Variants in MAMDC2 observed in about 807,000 individuals in gnomAD.
MAMDC2 encodes the protein MAM domain containing 2, also known as MAM domain-containing protein 2.
In MAMDC2, 57 loss-of-function variants were observed where a neutral mutation model predicts 89.8. That is an observed-to-expected ratio of 0.63 (90% CI 0.51 to 0.79). The LOEUF (loss-of-function observed/expected upper bound fraction) is 0.79. MAMDC2 is among the 30% of genes least tolerant of loss of function. The pLI, the probability that MAMDC2 is intolerant of heterozygous loss-of-function variation, is 0.00. For synonymous variants in MAMDC2, 313 were observed against 293.4 expected (o/e 1.07, Z -0.68); for missense variants, 800 against 820.6 (o/e 0.97, Z 0.31).
intron 11 of MAMDC2, among the ~76,000 whole-genome samples, chr9:70,184,497 TC>T (rs1048979132): frequency 1.3e-5 from 2 of 152,106 alleles, no homozygotes; most frequent in Non-Finnish European, 2.9e-5. Context: ...GTTCCATTCT[TC>T]CCCTCACTTT....
At chr9:70,110,339 T>C (rs912763178) in intron 4 of MAMDC2, among the ~76,000 whole-genome samples, 4 of 152,300 alleles carry the variant, frequency 2.6e-5, no homozygotes, top group Admixed American at 2.0e-4. Context: ...TTTGTCTACA[T>C]TGAAGCTAGT....
At chr9:70,123,140 T>G (rs2030364968) in intron 5 of MAMDC2, among the ~76,000 whole-genome samples, 1 of 152,222 alleles carries the variant, frequency 6.6e-6, no homozygotes, top group South Asian at 2.1e-4. Context: ...ATTGTAGCTC[T>G]CCTCCACTCA....
chr9:70,084,071 C>G (rs530614605), intron 2 of MAMDC2, among the ~76,000 whole-genome samples: 1 of 152,202 alleles, frequency 6.6e-6, no homozygotes, highest in East Asian at 1.9e-4. Flanking sequence ...TATGTGTTTT[C>G]TAATGTATCA....
intron 7 of MAMDC2, 121 bp from the exon 8 acceptor site, chr9:70,140,024 T>G: frequency 2.0e-6 from 2 of 976,318 alleles, no homozygotes. Context: ...GATATTTAGT[T>G]GTGTTTTACT....
intron 6 of MAMDC2, among the ~76,000 whole-genome samples, chr9:70,131,230 AG>A (rs2030793175): frequency 6.6e-6 from 1 of 152,122 alleles, no homozygotes; most frequent in South Asian, 2.1e-4. Context: ...CCTCCCAAAA[AG>A]CCCCACCTTC....
At chr9:70,129,455 A>T (rs1316807902) in intron 6 of MAMDC2, among the ~76,000 whole-genome samples, 1 of 152,198 alleles carries the variant, frequency 6.6e-6, no homozygotes, top group East Asian at 1.9e-4. Flanking sequence ...CTTTATCAGC[A>T]GCATTGAAAC....
chr9:70,146,993 C>T (rs1320757314), intron 9 of MAMDC2, among the ~76,000 whole-genome samples: 5 of 149,406 alleles, frequency 3.3e-5, no homozygotes, highest in Non-Finnish European at 7.4e-5. Flanking sequence ...TGGTGGCTCA[C>T]GCCTGTAATC....
At chr9:70,105,328 A>G (rs1262065675) in intron 2 of MAMDC2, among the ~76,000 whole-genome samples, 1 of 152,170 alleles carries the variant, frequency 6.6e-6, no homozygotes, top group African/African-American at 2.4e-5. Context: ...CTATGTTTAG[A>G]AGGATTCTAA....
intron 2 of MAMDC2, among the ~76,000 whole-genome samples, chr9:70,105,569 G>T (rs1247923761): frequency 6.6e-6 from 1 of 152,038 alleles, no homozygotes; most frequent in Non-Finnish European, 1.5e-5. Flanking sequence ...ACAAATATGA[G>T]ATCTTTAATT....
At chr9:70,161,941 G>A (rs1054544821) in intron 9 of MAMDC2, among the ~76,000 whole-genome samples, 2 of 152,268 alleles carry the variant, frequency 1.3e-5, no homozygotes, top group East Asian at 1.9e-4. Flanking sequence ...AAATCAAACC[G>A]TCTGGGAAAT....
chr9:70,105,859 C>A (rs1828327435), intron 2 of MAMDC2: 2 of 152,168 alleles, frequency 1.3e-5, no homozygotes, highest in Admixed American at 1.3e-4. Flanking sequence ...TGTGCACCTG[C>A]TTTAACACAC....
At chr9:70,091,037 GA>G in intron 2 of MAMDC2, among the ~76,000 whole-genome samples, 1 of 152,216 alleles carries the variant, frequency 6.6e-6, no homozygotes, top group African/African-American at 2.4e-5. Flanking sequence ...ACTGTTTGTA[GA>G]AAAATTAAAA....
At chr9:70,116,697 GAA>G (rs34849432) in intron 5 of MAMDC2, among the ~76,000 whole-genome samples, 52 of 112,852 alleles carry the variant, frequency 4.6e-4, no homozygotes, top group African/African-American at 7.2e-4. Flanking sequence ...TTTGGCATTA[GAA>G]AAAAAAAAAA....
rs772357872 is a variant in MAMDC2, at chr9:70,218,532, G to C, written c.1847G>C (p.Arg616Thr). The change falls in exon 12 of 14, where the codon AGA becomes ACA. Residue 616 changes from arginine to threonine, a missense_variant. Transcript: ENST00000377182. ...GAAGAGTCCCTCTTATGGAGGAGAAGAGGTGAACAGAGCATTTCCTGGCTA... is the reference window on the plus strand; with the variant it reads ...GAAGAGTCCCTCTTATGGAGGAGAACAGGTGAACAGAGCATTTCCTGGCTA... ...DSEESLLWRR[R>T]GEQSISWLRA... is the part of the protein sequence containing the mutation. 1.2e-6 allele frequency: 2 copies of C among 1,614,076 alleles called. No individual in the cohort carries two copies. Among genetic ancestry groups the C allele is most frequent in the Middle Eastern group, 3.3e-4 (2 of 6,084 alleles).
At chr9:70,067,263 G>C (rs1417790918) in intron 2 of MAMDC2, among the ~76,000 whole-genome samples, 1 of 152,176 alleles carries the variant, frequency 6.6e-6, no homozygotes, top group Non-Finnish European at 1.5e-5. Flanking sequence ...GGCTGACCAG[G>C]GGAGGCTGCT....
At chr9:70,107,871 G>A (rs1216915642) in intron 2 of MAMDC2, among the ~76,000 whole-genome samples, 2 of 152,160 alleles carry the variant, frequency 1.3e-5, no homozygotes, top group East Asian at 1.9e-4. Context: ...AATGCAATGT[G>A]CTAAATGGGC....
At chr9:70,147,938 CTTTAAA>C (rs1195515365) in intron 9 of MAMDC2, 1 of 150,472 alleles carries the variant, frequency 6.6e-6, no homozygotes, top group Non-Finnish European at 1.5e-5. Context: ...AACCATTGGT[CTTTAAA>C]TTGAATCTGA....
At chr9:70,148,800 C>G (rs1225003441) in intron 9 of MAMDC2, among the ~76,000 whole-genome samples, 1 of 149,686 alleles carries the variant, frequency 6.7e-6, no homozygotes, top group African/African-American at 2.5e-5. Flanking sequence ...GAGGCCGAGG[C>G]GGGCGGATCA....
intron 9 of MAMDC2, among the ~76,000 whole-genome samples, chr9:70,151,354 T>G (rs2031573143): frequency 6.6e-6 from 1 of 152,246 alleles, no homozygotes; most frequent in African/African-American, 2.4e-5. Flanking sequence ...TTATTGTCCA[T>G]CTCTTTTCCT....
Sources: allele counts gnomAD v4.1 joint callset (sites outside exome capture counted in the v4.1 genomes callset), GRCh38; gene constraint gnomAD v4.1.1; transcripts MANE v1.5; gene names NCBI Gene and HGNC (gene_info 2026-07-23, HGNC 2026-07-21).